SLF2: variants seen among roughly 807,000 people sequenced by gnomAD.
SLF2 encodes the protein SMC5-SMC6 complex localization factor protein 2.
Under a neutral mutation model 124.3 loss-of-function variants are expected in SLF2, and 68 were observed. That is an observed-to-expected ratio of 0.55 (90% CI 0.45 to 0.67). The LOEUF (loss-of-function observed/expected upper bound fraction) is 0.67. SLF2 is among the 30% of genes least tolerant of loss of function. The probability of loss-of-function intolerance (pLI) is 0.00; values close to 1 mark genes in which losing one functional copy is unlikely to be tolerated. For synonymous variants in SLF2, 480 were observed against 478.8 expected (o/e 1.00, Z -0.03); for missense variants, 1,246 against 1,373.7 (o/e 0.91, Z 1.47).
intron 11 of SLF2, among the ~76,000 whole-genome samples, chr10:100,941,675 A>G (rs1488069022): frequency 1.3e-5 from 2 of 152,264 alleles, no homozygotes; most frequent in East Asian, 1.9e-4. Context: ...TTCTAATCAA[A>G]TTGATCTGCC....
chr10:100,939,079 G>A (rs1849919182), intron 11 of SLF2, among the ~76,000 whole-genome samples: 1 of 152,212 alleles, frequency 6.6e-6, no homozygotes, highest in Non-Finnish European at 1.5e-5. Flanking sequence ...AAGATTATTT[G>A]TAGATGTGAG....
chr10:100,945,146 GA>G (rs1472499655), intron 12 of SLF2, among the ~76,000 whole-genome samples, 183 bp from the exon 13 acceptor site: 4 of 152,156 alleles, frequency 2.6e-5, no homozygotes, highest in Non-Finnish European at 4.4e-5. Flanking sequence ...AAATGGAGAA[GA>G]AAATGCCACT....
intron 9 of SLF2, among the ~76,000 whole-genome samples, chr10:100,933,403 C>T (rs1489370671): frequency 6.6e-6 from 1 of 152,104 alleles, no homozygotes; most frequent in Non-Finnish European, 1.5e-5. Context: ...ATTCCAAGTC[C>T]GTTTTCATCG....
Position 100,912,974 on chromosome 10 carries a change from G to C in SLF2, c.-137G>C, listed in dbSNP as rs1482651429. ...CTCACGCCGGAGTCACTTCCGAAGA[G>C]AGAACCGCCATGAAGAGAGAAGGGG... On this transcript the variant is annotated 5_prime_UTR_variant, in exon 1 of 20. Coordinates refer to ENST00000238961, the MANE Select transcript of SLF2 (RefSeq NM_018121.4). The C allele has an allele frequency of 2.2e-6, 2 of 908,730 alleles. No individual in the cohort carries two copies. Among genetic ancestry groups the C allele is most frequent in the East Asian group, 5.6e-5 (2 of 35,602 alleles). 56.3% of individuals were successfully genotyped at this position (908,730 alleles called of 1,614,324 possible). A position where few individuals can be genotyped will look rare whatever the true frequency, so the allele number is the denominator to read the frequency against.
chr10:100,952,621 T>G (rs1332247981), intron 17 of SLF2, among the ~76,000 whole-genome samples: 1 of 151,862 alleles, frequency 6.6e-6, no homozygotes, highest in Non-Finnish European at 1.5e-5. Context: ...ATTCTTATGT[T>G]TTTATAAATG....
chr10:100,917,323 T>C (rs1849436431), intron 3 of SLF2, 23 bp downstream of exon 3: 1 of 1,574,424 alleles, frequency 6.4e-7, no homozygotes, highest in African/African-American at 1.4e-5. Flanking sequence ...ATTATTGAAT[T>C]AGCATTGCTA....
At chr10:100,960,235 T>C (rs377678591) in intron 19 of SLF2, among the ~76,000 whole-genome samples, 8 of 152,244 alleles carry the variant, frequency 5.3e-5, no homozygotes, top group East Asian at 1.9e-4. Flanking sequence ...TCCATGAACA[T>C]TTGTATGCAA....
chr10:100,924,841 A>G lies in SLF2; in HGVS notation c.1840A>G (p.Ser614Gly). The change falls in exon 5 of 20, where the codon AGT becomes GGT. Residue 614 changes from serine to glycine, a missense_variant. Around this residue, in one of 3 missense-constraint regions of SLF2, gnomAD observed 13 missense variants for 32.0 expected, o/e 0.41. Transcript: ENST00000238961. The part of the protein sequence containing the change: ...DEESLGYNLD[S>G]DEEEETLKSL... ...AGAAAGTTTAGGTTACAACCTAGACAGTGATGAGGAAGAGGAAACATTAAA... is the reference window on the plus strand; with the variant it reads ...AGAAAGTTTAGGTTACAACCTAGACGGTGATGAGGAAGAGGAAACATTAAA... 1 of 1,614,228 alleles carries G rather than the reference A, an allele frequency of 6.2e-7. No homozygotes were observed. Among genetic ancestry groups the G allele is most frequent in the Non-Finnish European group, 8.5e-7 (1 of 1,180,034 alleles).
At chr10:100,927,108 AT>A (rs1471635959) in intron 6 of SLF2, among the ~76,000 whole-genome samples, 1 of 152,150 alleles carries the variant, frequency 6.6e-6, no homozygotes, top group Non-Finnish European at 1.5e-5. Flanking sequence ...TACATATAAA[AT>A]TTACCATTTT....
intron 17 of SLF2, among the ~76,000 whole-genome samples, chr10:100,953,760 C>G (rs1376339565): frequency 1.3e-5 from 2 of 152,050 alleles, no homozygotes; most frequent in East Asian, 3.9e-4. Flanking sequence ...TCAAGTGATT[C>G]TCCTGCCTCA....
rs1311778951 is a variant in SLF2, at chr10:100,924,414, A to G, written c.1413A>G (p.Thr471=). The G allele has an allele frequency of 6.2e-7, 1 of 1,614,194 alleles. No homozygotes were observed. Among genetic ancestry groups the G allele is most frequent in the Non-Finnish European group, 8.5e-7 (1 of 1,180,038 alleles). The change falls in exon 5 of 20, where the codon ACA becomes ACG. Residue 471 remains threonine, a synonymous_variant. Transcript: ENST00000238961. ...GCTCCACGACAAAGGAGAAGGAGAC[A>G]AAACTACCTTTACTTTCCCGTGTTC... is the stretch of plus-strand genomic sequence containing the variant. ...TASSTTKEKE[T]KLPLLSRVPS...
chr10:100,914,264 G>A (rs559363677), intron 1 of SLF2, among the ~76,000 whole-genome samples: 2 of 152,060 alleles, frequency 1.3e-5, no homozygotes, highest in South Asian at 4.2e-4. Flanking sequence ...GGCCCCAGAA[G>A]GTTCAGATAA....
intron 5 of SLF2, 80 bp downstream of exon 5, chr10:100,925,052 T>TA: frequency 1.5e-6 from 2 of 1,378,634 alleles, no homozygotes; most frequent in South Asian, 2.9e-5. Context: ...TATCGGAACT[T>TA]ACTTTAAAAT....
intron 7 of SLF2, 22 bp downstream of exon 7, chr10:100,929,461 AT>A: frequency 6.5e-7 from 1 of 1,549,276 alleles, no homozygotes; most frequent in Non-Finnish European, 8.7e-7. Flanking sequence ...TTCATAATGT[AT>A]TTTACCTTAT....
At position 100,961,911 on chromosome 10, in the gene SLF2, A is replaced by T. The variant is rs1564787650; in HGVS notation, c.3521A>T (p.Ter1174LeuextTer1). ...QLHDFWVPDS[*>L] is the part of the protein sequence containing the mutation. ...CATGACTTCTGGGTACCAGATTCTT[A>T]ATAGGAGTTGCAGCAGCAAAAATAT... The change falls in exon 20 of 20, where the codon TAA becomes TTA. Residue 1174 changes from the stop codon to leucine, a stop_lost. Coordinates refer to ENST00000238961, the MANE Select transcript of SLF2 (RefSeq NM_018121.4). 1.2e-6 allele frequency: 2 copies of T among 1,607,702 alleles called. No individual in the cohort carries two copies. The highest frequency in any genetic ancestry group is 1.7e-6 in the Non-Finnish European group (2 of 1,175,520).
At position 100,913,248 on chromosome 10, in the gene SLF2, C is replaced by G. The variant is rs1849352516; in HGVS notation, c.138C>G (p.Asp46Glu). ...AAGKRTESPG[D>E]RKQSIIDFFK... Reference sequence around the variant, plus strand: ...GAAAGAGAACAGAGAGTCCTGGGGACAGGTACCGTGCAGAGGGCTTGAGAA... The same window carrying G: ...GAAAGAGAACAGAGAGTCCTGGGGAGAGGTACCGTGCAGAGGGCTTGAGAA... The change falls in exon 1 of 20, where the codon GAC (aspartate) becomes GAG (glutamate). Residue 46 changes from aspartate (D) to glutamate (E), a missense_variant and splice_region_variant. Asp to Glu is a conservative substitution (Grantham distance 45). Around this residue, in one of 3 missense-constraint regions of SLF2, gnomAD observed 698 missense variants for 708.9 expected, o/e 0.98. Transcript: ENST00000238961. 1 of 1,605,004 alleles carries G rather than the reference C, an allele frequency of 6.2e-7. No individual in the cohort carries two copies. The highest frequency in any genetic ancestry group is 1.7e-5 in the Admixed American group (1 of 58,922).
chr10:100,962,303 A>G lies in SLF2; in HGVS notation c.*391A>G, dbSNP rs1185396513. Reference sequence around the variant, plus strand: ...AATATATAAGAAAAGAGCTTGGACTAACTTGAGAAGTTGGACATGGAAAGC... The same window carrying G: ...AATATATAAGAAAAGAGCTTGGACTGACTTGAGAAGTTGGACATGGAAAGC... On this transcript the variant is annotated 3_prime_UTR_variant, in exon 20 of 20. Coordinates refer to ENST00000238961, the MANE Select transcript of SLF2 (RefSeq NM_018121.4). The G allele has an allele frequency of 6.5e-6, 1 of 154,948 alleles. No homozygotes were observed. The highest frequency in any genetic ancestry group is 1.4e-5 in the Non-Finnish European group (1 of 70,048). 9.6% of individuals were successfully genotyped at this position (154,948 alleles called of 1,614,324 possible).
chr10:100,955,062 C>T (rs1261990051), intron 17 of SLF2, among the ~76,000 whole-genome samples: 2 of 151,706 alleles, frequency 1.3e-5, no homozygotes, highest in African/African-American at 2.4e-5. Flanking sequence ...GCCCCAGCCT[C>T]CCGAGTAGCT....
intron 4 of SLF2, 102 bp from the exon 5 acceptor site, chr10:100,923,873 T>G: frequency 2.1e-6 from 2 of 938,488 alleles, no homozygotes; most frequent in Non-Finnish European, 2.9e-6. Context: ...GCCTTAATAC[T>G]TAGAATTTTA....
Sources: gnomAD v4.1 joint callset for allele counts (sites outside exome capture counted in the v4.1 genomes callset) on GRCh38, gnomAD v4.1.1 for gene constraint, gnomAD v4.1.1 regional missense constraint, MANE v1.5 for transcripts, NCBI Gene and HGNC (gene_info 2026-07-23, HGNC 2026-07-21) for gene names.